GRM7: variants seen among roughly 807,000 people sequenced by gnomAD.
GRM7 encodes the protein glutamate metabotropic receptor 7.
GRM7 carries 35 observed loss-of-function variants against 84.5 expected under a neutral mutation model. That is an observed-to-expected ratio of 0.41 (90% CI 0.32 to 0.55). GRM7 has a LOEUF of 0.55. GRM7 is among the 20% of genes least tolerant of loss of function. GRM7 has a pLI of 0.19. For missense variants in GRM7, 1,003 were observed against 1,194.6 expected (o/e 0.84, Z 2.36); for synonymous variants, 487 against 455.1 (o/e 1.07, Z -0.89).
intron 7 of GRM7, among the ~76,000 whole-genome samples, chr3:7,543,145 A>G (rs957969595): frequency 5.3e-5 from 8 of 152,196 alleles, no homozygotes; most frequent in African/African-American, 1.9e-4. Context: ...CCTATTAGGG[A>G]GTCAGTTTTA....
At chr3:7,140,661 TATA>T (rs1693917835) in intron 1 of GRM7, among the ~76,000 whole-genome samples, 1 of 152,056 alleles carries the variant, frequency 6.6e-6, no homozygotes, top group Non-Finnish European at 1.5e-5. Context: ...AATTATAATT[TATA>T]ATATTATCAT....
intron 7 of GRM7, among the ~76,000 whole-genome samples, chr3:7,536,111 T>C (rs932213361): frequency 4.6e-5 from 7 of 152,158 alleles, no homozygotes; most frequent in African/African-American, 1.7e-4. Context: ...CAAAAGTGTG[T>C]GGTGGCTCAG....
intron 2 of GRM7, among the ~76,000 whole-genome samples, chr3:7,287,802 G>T (rs918417138): frequency 4.6e-5 from 7 of 152,084 alleles, no homozygotes; most frequent in African/African-American, 1.7e-4. Context: ...CTTAAGAGAG[G>T]TAATAGTTTG....
At chr3:7,022,506 T>C (rs1035933318) in intron 1 of GRM7, among the ~76,000 whole-genome samples, 6 of 151,798 alleles carry the variant, frequency 4.0e-5, no homozygotes, top group Non-Finnish European at 2.9e-5. Flanking sequence ...CCCCTATGCA[T>C]AGCCTACAAT....
chr3:6,966,338 C>T (rs1246525619), intron 1 of GRM7, among the ~76,000 whole-genome samples: 1 of 152,108 alleles, frequency 6.6e-6, no homozygotes, highest in Non-Finnish European at 1.5e-5. Flanking sequence ...ACAGAATAAT[C>T]AAGTAGGAGG....
chr3:7,228,551 TAGAG>T (rs1377561009), intron 2 of GRM7, among the ~76,000 whole-genome samples: 3 of 152,152 alleles, frequency 2.0e-5, no homozygotes, highest in Non-Finnish European at 4.4e-5. Flanking sequence ...AACCACAATC[TAGAG>T]AAAGAGTGAA....
chr3:7,739,562 G>C (rs780134390), intron 9 of GRM7, among the ~76,000 whole-genome samples: 5 of 152,162 alleles, frequency 3.3e-5, no homozygotes, highest in Non-Finnish European at 7.3e-5. Flanking sequence ...CTAAACCAAA[G>C]GCACACTCTG....
rs563920488 is a variant in GRM7, at chr3:7,480,566, A to T, written c.1515+18844A>T. 2.6e-5 allele frequency among the ~76,000 whole-genome samples: 4 copies of T among 152,364 alleles called. No individual in the cohort carries two copies. The South Asian group carries it at 8.3e-4, about 32-fold the overall frequency. On this transcript the variant is annotated intron_variant, in intron 7 of 9. Transcript: ENST00000357716. ...TTAAACATTAAATAAAAAGTAAATG[A>T]GCAAAATGGTATACAATATTTATAC...
chr3:6,925,693 A>T (rs1340132599), intron 1 of GRM7, among the ~76,000 whole-genome samples: 1 of 152,170 alleles, frequency 6.6e-6, no homozygotes, highest in Non-Finnish European at 1.5e-5. Flanking sequence ...TTGATGATTT[A>T]ACTCATCCTG....
At chr3:7,276,053 C>T (rs2124985824) in intron 2 of GRM7, among the ~76,000 whole-genome samples, 1 of 152,194 alleles carries the variant, frequency 6.6e-6, no homozygotes, top group African/African-American at 2.4e-5. Context: ...GCAGTTTGTC[C>T]CATGACCTTA....
intron 1 of GRM7, among the ~76,000 whole-genome samples, chr3:7,143,850 T>C (rs1436609300): frequency 6.6e-6 from 1 of 152,158 alleles, no homozygotes; most frequent in Non-Finnish European, 1.5e-5. Flanking sequence ...TTTGGCTTCT[T>C]TCCTTTTCAT....
intron 2 of GRM7, among the ~76,000 whole-genome samples, chr3:7,263,033 A>G (rs1002976727): frequency 4.6e-5 from 7 of 152,096 alleles, no homozygotes; most frequent in Non-Finnish European, 8.8e-5. Context: ...TGTTCTAGTT[A>G]TTACTCATTT....
intron 1 of GRM7, among the ~76,000 whole-genome samples, chr3:7,073,771 G>A (rs892206877): frequency 1.3e-5 from 2 of 152,146 alleles, no homozygotes; most frequent in African/African-American, 4.8e-5. Context: ...AGAGGTTGCA[G>A]TCAGAGTTTC....
intron 7 of GRM7, among the ~76,000 whole-genome samples, chr3:7,551,198 A>G (rs1327576560): frequency 6.6e-6 from 1 of 152,244 alleles, no homozygotes; most frequent in Admixed American, 6.5e-5. Context: ...CTTAAGGGGC[A>G]GAGGAAAATT....
chr3:7,446,036 A>G (rs1697491577), intron 5 of GRM7, among the ~76,000 whole-genome samples: 1 of 152,152 alleles, frequency 6.6e-6, no homozygotes, highest in Admixed American at 6.6e-5. Context: ...TTTACTATTT[A>G]TTGAAGCATT....
intron 1 of GRM7, among the ~76,000 whole-genome samples, chr3:7,136,647 T>C (rs778306329): frequency 1.3e-5 from 2 of 152,076 alleles, no homozygotes; most frequent in Non-Finnish European, 2.9e-5. Flanking sequence ...ACTGTGAGTG[T>C]CTCTGGCCAC....
chr3:7,568,960 C>G (rs1298816008), intron 7 of GRM7, among the ~76,000 whole-genome samples: 1 of 152,154 alleles, frequency 6.6e-6, no homozygotes, highest in Non-Finnish European at 1.5e-5. Flanking sequence ...ATCGACCACC[C>G]AAGGGCTGAG....
chr3:7,415,865 G>A (rs930635578), intron 5 of GRM7, among the ~76,000 whole-genome samples: 5 of 152,034 alleles, frequency 3.3e-5, no homozygotes, highest in Admixed American at 6.6e-5. Flanking sequence ...GTGATCTCAC[G>A]AACGAATTCA....
intron 1 of GRM7, among the ~76,000 whole-genome samples, chr3:6,943,938 C>G (rs1697973606): frequency 6.6e-6 from 1 of 151,924 alleles, no homozygotes; most frequent in Admixed American, 6.6e-5. Context: ...ATTTCTGATG[C>G]TATAGGAAAT....
Sources: gnomAD v4.1 joint callset for allele counts (sites outside exome capture counted in the v4.1 genomes callset) on GRCh38, gnomAD v4.1.1 for gene constraint, MANE v1.5 for transcripts, NCBI Gene and HGNC (gene_info 2026-07-23, HGNC 2026-07-21) for gene names.